CDH9: variants seen among roughly 807,000 people sequenced by gnomAD.
The protein encoded by CDH9 is cadherin 9.
In CDH9, 28 loss-of-function variants were observed where a neutral mutation model predicts 70.9. The observed-to-expected ratio is 0.40, with a 90% CI of 0.29 to 0.54. CDH9 has a LOEUF of 0.54. Among genes scored for constraint, CDH9 ranks in the 20% least tolerant of loss-of-function variants. The pLI is 0.59. For synonymous variants in CDH9, 409 were observed against 343.1 expected (o/e 1.19, Z -2.12); for missense variants, 874 against 984.4 (o/e 0.89, Z 1.50).
chr5:26,939,784 A>T (rs896902397), intron 2 of CDH9, among the ~76,000 whole-genome samples: 17 of 152,190 alleles, frequency 1.1e-4, no homozygotes, highest in African/African-American at 3.9e-4. Context: ...TACCATAGAG[A>T]ATTGTTTAGG....
chr5:26,900,141 T>A (rs1740828602), intron 7 of CDH9, among the ~76,000 whole-genome samples: 1 of 152,010 alleles, frequency 6.6e-6, no homozygotes, highest in Non-Finnish European at 1.5e-5. Context: ...CTTAGCTCAT[T>A]AAATAATTAG....
chr5:26,903,455 G>C (rs544501189), intron 6 of CDH9, 182 bp downstream of exon 6: 10 of 693,094 alleles, frequency 1.4e-5, no homozygotes, highest in South Asian at 1.4e-4. Flanking sequence ...GAGGTTTTAA[G>C]TGTCAATTAT....
intron 1 of CDH9, among the ~76,000 whole-genome samples, chr5:27,004,229 G>A (rs1030092232): frequency 6.6e-6 from 1 of 151,882 alleles, no homozygotes; most frequent in African/African-American, 2.4e-5. Flanking sequence ...CAGAGAAGAG[G>A]CCCAGCAAAA....
intron 2 of CDH9, among the ~76,000 whole-genome samples, chr5:26,945,350 C>T (rs1053648233): frequency 1.3e-5 from 2 of 151,840 alleles, no homozygotes; most frequent in Non-Finnish European, 2.9e-5. Flanking sequence ...TAATGCATAT[C>T]ATTTATTGCA....
intron 5 of CDH9, among the ~76,000 whole-genome samples, chr5:26,904,204 A>AT (rs1057162542): frequency 3.4e-4 from 52 of 151,614 alleles, no homozygotes; most frequent in African/African-American, 1.2e-4. Context: ...GTATTCAATT[A>AT]TTTTTTTTAA....
intron 1 of CDH9, among the ~76,000 whole-genome samples, chr5:26,999,337 C>T (rs147533554): frequency 1.1e-4 from 16 of 152,236 alleles, no homozygotes; most frequent in African/African-American, 3.8e-4. Flanking sequence ...TATGCAATGA[C>T]TTCTCTTCAT....
At chr5:26,896,250 A>G (rs971104545) in intron 7 of CDH9, among the ~76,000 whole-genome samples, 1 of 151,874 alleles carries the variant, frequency 6.6e-6, no homozygotes, top group Non-Finnish European at 1.5e-5. Flanking sequence ...AAATTTTACT[A>G]TCAGTCTTTG....
intron 2 of CDH9, among the ~76,000 whole-genome samples, chr5:26,954,213 G>T (rs1446719171): frequency 6.6e-6 from 1 of 151,844 alleles, no homozygotes; most frequent in East Asian, 1.9e-4. Flanking sequence ...ATCATGAAAG[G>T]TATTTAAATA....
intron 2 of CDH9, among the ~76,000 whole-genome samples, chr5:26,954,471 G>A (rs1741907584): frequency 1.5e-5 from 2 of 136,728 alleles, no homozygotes; most frequent in African/African-American, 2.8e-5. Flanking sequence ...TGCAAGCTTC[G>A]CCTCCCGGGT....
intron 2 of CDH9, among the ~76,000 whole-genome samples, chr5:26,929,217 G>T (rs563823695): frequency 6.6e-6 from 1 of 151,982 alleles, no homozygotes; most frequent in African/African-American, 2.4e-5. Context: ...AAATGCAAAT[G>T]GCAAACACGT....
chr5:27,013,997 G>T (rs970332072), intron 1 of CDH9, among the ~76,000 whole-genome samples: 2 of 151,912 alleles, frequency 1.3e-5, no homozygotes, highest in Admixed American at 6.6e-5. Context: ...AACTAGGGTT[G>T]GTTTTCTTTG....
At chr5:27,028,400 GTAACAATA>G (rs1458053601) in intron 1 of CDH9, 1 of 151,694 alleles carries the variant, frequency 6.6e-6, no homozygotes, top group African/African-American at 2.4e-5. Context: ...AAATTCCTTG[GTAACAATA>G]AATACCCTAG....
chr5:27,003,023 T>C (rs1435984414), intron 1 of CDH9, among the ~76,000 whole-genome samples: 1 of 152,156 alleles, frequency 6.6e-6, no homozygotes, highest in Non-Finnish European at 1.5e-5. Flanking sequence ...TGAATATTCT[T>C]TAAATAAAAT....
At chr5:26,902,123 A>C (rs896990853) in intron 7 of CDH9, among the ~76,000 whole-genome samples, 2 of 152,060 alleles carry the variant, frequency 1.3e-5, no homozygotes, top group Admixed American at 6.6e-5. Flanking sequence ...CTCTGGCATT[A>C]AACTGCCTGG....
At chr5:26,965,157 TTAA>T in intron 2 of CDH9, among the ~76,000 whole-genome samples, 1 of 152,282 alleles carries the variant, frequency 6.6e-6, no homozygotes, top group South Asian at 2.1e-4. Context: ...ATATCCCCTC[TTAA>T]TAGAACAATT....
chr5:26,885,205 T>C (rs1399312508), intron 11 of CDH9, among the ~76,000 whole-genome samples: 1 of 152,156 alleles, frequency 6.6e-6, no homozygotes, highest in African/African-American at 2.4e-5. Flanking sequence ...TGTGTTTGAA[T>C]ACTAGCTAAA....
At chr5:26,914,420 A>T (rs1741113431) in intron 3 of CDH9, among the ~76,000 whole-genome samples, 1 of 151,978 alleles carries the variant, frequency 6.6e-6, no homozygotes, top group South Asian at 2.1e-4. Context: ...CATGCAACTA[A>T]GATACTAAAA....
intron 2 of CDH9, among the ~76,000 whole-genome samples, chr5:26,973,124 A>G (rs569300963): frequency 4.2e-4 from 64 of 152,256 alleles, no homozygotes; most frequent in African/African-American, 1.4e-3. Context: ...GGCCTCCCAA[A>G]GTGCTGGTAA....
At chr5:26,962,779 CAT>C (rs1383036877) in intron 2 of CDH9, among the ~76,000 whole-genome samples, 1 of 151,990 alleles carries the variant, frequency 6.6e-6, no homozygotes, top group Non-Finnish European at 1.5e-5. Context: ...TTCTAGAGTA[CAT>C]GTGTTCTGTT....
Sources: allele counts gnomAD v4.1 joint callset (sites outside exome capture counted in the v4.1 genomes callset), GRCh38; gene constraint gnomAD v4.1.1; transcripts MANE v1.5; gene names NCBI Gene and HGNC (gene_info 2026-07-23, HGNC 2026-07-21).